The following TDP1 variants were observed in gnomAD, a reference collection of about 807,000 sequenced individuals.
TDP1 encodes the protein tyrosyl-DNA phosphodiesterase 1.
TDP1 carries 64 observed loss-of-function variants against 81.5 expected under a neutral mutation model. The observed-to-expected ratio is 0.79, with a 90% CI of 0.64 to 0.97. TDP1 has a LOEUF of 0.97. Among genes scored for constraint, TDP1 ranks in the 50% least tolerant of loss-of-function variants. The pLI is 0.00. For synonymous variants in TDP1, 256 were observed against 264.3 expected (o/e 0.97, Z 0.30); for missense variants, 723 against 743.8 (o/e 0.97, Z 0.33).
In TDP1 at chr14:90,032,248, C is replaced by T. The variant is rs76664688; in HGVS notation, c.1645-858C>T. Among the ~76,000 whole-genome samples the T allele has an allele frequency of 3.3e-3, 505 of 152,246 alleles. 6 individuals are homozygous for T. The highest frequency in any genetic ancestry group is 0.012 in the African/African-American group (489 of 41,538). Reference sequence around the variant, plus strand: ...TTTGACACTGCCCATGACCAGCCTCCGCTTGCTAAGTTGCACCTCAGTCTT... The same window carrying T: ...TTTGACACTGCCCATGACCAGCCTCTGCTTGCTAAGTTGCACCTCAGTCTT... On this transcript the variant is annotated intron_variant, in intron 15 of 16. Transcript: ENST00000335725.
At chr14:90,032,490 GGC>G (rs1887395509) in intron 15 of TDP1, among the ~76,000 whole-genome samples, 1 of 152,118 alleles carries the variant, frequency 6.6e-6, no homozygotes, top group Non-Finnish European at 1.5e-5. Context: ...CACTGCGGCA[GGC>G]CTTGTGTTGG....
intron 14 of TDP1, among the ~76,000 whole-genome samples, chr14:90,000,414 C>T (rs1056223911): frequency 5.9e-5 from 9 of 152,244 alleles, no homozygotes; most frequent in Admixed American, 6.5e-5. Context: ...GATGGAGTTC[C>T]GCTCTTATTG....
At position 89,980,865 on chromosome 14, in the gene TDP1, T is replaced by A. The variant is rs1239969846; in HGVS notation, c.884+233T>A. Among the ~76,000 whole-genome samples the A allele has an allele frequency of 5.9e-5, 9 of 152,252 alleles. No individual in the cohort carries two copies. In the East Asian group the frequency reaches 1.7e-3, roughly 29 times the overall value. On this transcript the variant is annotated intron_variant, in intron 8 of 16. Coordinates refer to ENST00000335725, the MANE Select transcript of TDP1 (RefSeq NM_018319.4). Reference sequence around the variant, plus strand: ...GAGCATCATCATCCACAGCTACCTCTGCTGTACATGTAAACATACATTACT... The same window carrying A: ...GAGCATCATCATCCACAGCTACCTCAGCTGTACATGTAAACATACATTACT...
chr14:90,036,287 C>T (rs898314744), intron 16 of TDP1, among the ~76,000 whole-genome samples: 3 of 152,102 alleles, frequency 2.0e-5, no homozygotes, highest in African/African-American at 4.8e-5. Flanking sequence ...TCAGTATTAC[C>T]AGTTCATATA....
intron 14 of TDP1, among the ~76,000 whole-genome samples, chr14:90,013,671 C>T (rs1381843767): frequency 6.6e-6 from 1 of 152,112 alleles, no homozygotes; most frequent in Non-Finnish European, 1.5e-5. Flanking sequence ...TATGGTTTGG[C>T]TGTGTCCCCA....
chr14:90,041,516 G>T (rs1248989023), intron 16 of TDP1, among the ~76,000 whole-genome samples: 1 of 152,184 alleles, frequency 6.6e-6, no homozygotes, highest in African/African-American at 2.4e-5. Context: ...GTGAGGCTGC[G>T]AGAAGACAGC....
chr14:89,993,315 ATAT>A, intron 13 of TDP1, 58 bp from the exon 14 acceptor site: 1 of 1,421,404 alleles, frequency 7.0e-7, no homozygotes, highest in Admixed American at 1.8e-5. Flanking sequence ...CAGTTTCCTA[ATAT>A]TAGGATTATG....
At chr14:90,028,317 C>T (rs1224958340) in intron 15 of TDP1, among the ~76,000 whole-genome samples, 2 of 152,208 alleles carry the variant, frequency 1.3e-5, no homozygotes, top group Middle Eastern at 3.2e-3. Flanking sequence ...TAGGGTTTTA[C>T]CACTTGAGGT....
chr14:89,980,416 T>A lies in TDP1; in HGVS notation c.792-124T>A, dbSNP rs909693930. The A allele has an allele frequency of 5.7e-6, 8 of 1,414,434 alleles. No homozygotes were observed. The South Asian group carries it at 9.8e-5, about 17-fold the overall frequency. 87.6% of individuals were successfully genotyped at this position (1,414,434 alleles called of 1,614,324 possible). On this transcript the variant is annotated intron_variant, in intron 7 of 16. Transcript: ENST00000335725. The stretch of plus-strand genomic sequence containing the variant: ...TGTATAGAAGGGAAGATTATAAATG[T>A]TAAGTTTGGGTAATATGAGAGTTTA...
Position 90,033,423 on chromosome 14 carries a change from A to T in TDP1, c.1753+209A>T, listed in dbSNP as rs569758753. The T allele has an allele frequency of 6.3e-6, 4 of 632,744 alleles. No homozygotes were observed. The East Asian group carries it at 1.2e-4, about 19-fold the overall frequency. 39.2% of individuals were successfully genotyped at this position (632,744 alleles called of 1,614,324 possible). A position where few individuals can be genotyped will look rare whatever the true frequency, so the allele number is the denominator to read the frequency against. On this transcript the variant is annotated intron_variant, in intron 16 of 16. Transcript: ENST00000335725. ...TTGCACTCCTATAATTACTATACAGATCCTTCCTGACTTACACTGGGGCTA... is the reference window on the plus strand; with the variant it reads ...TTGCACTCCTATAATTACTATACAGTTCCTTCCTGACTTACACTGGGGCTA...
intron 7 of TDP1, among the ~76,000 whole-genome samples, chr14:89,977,731 A>T (rs1894521572): frequency 6.6e-6 from 1 of 152,236 alleles, no homozygotes; most frequent in African/African-American, 2.4e-5. Flanking sequence ...GAAAAGGAGA[A>T]TCACCTTCCA....
chr14:90,033,061 C>A, intron 15 of TDP1, 45 bp from the exon 16 acceptor site: 2 of 1,359,078 alleles, frequency 1.5e-6, no homozygotes, highest in Admixed American at 1.7e-5. Flanking sequence ...TTTTTTAAAC[C>A]CAGAAAATGG....
At chr14:90,032,839 C>T (rs1207378777) in intron 15 of TDP1, 14 of 984,740 alleles carry the variant, frequency 1.4e-5, no homozygotes, top group Non-Finnish European at 1.7e-5. Context: ...AATTGTCTCT[C>T]TTGTTTCTTT....
chr14:90,005,892 T>A (rs1182757510), intron 14 of TDP1, among the ~76,000 whole-genome samples: 2 of 152,236 alleles, frequency 1.3e-5, no homozygotes, highest in Non-Finnish European at 1.5e-5. Flanking sequence ...GCACTTTTTT[T>A]ATCCTTGGCA....
intron 7 of TDP1, among the ~76,000 whole-genome samples, chr14:89,978,933 A>G (rs558584204): frequency 2.6e-5 from 4 of 152,334 alleles, no homozygotes; most frequent in Admixed American, 1.3e-4. Context: ...AGAGCTAAAT[A>G]TCTCATTCTC....
chr14:89,962,970 C>T, intron 2 of TDP1, 138 bp from the exon 3 acceptor site: 1 of 1,521,210 alleles, frequency 6.6e-7, no homozygotes, highest in African/African-American at 1.4e-5. Context: ...TTATAAACAC[C>T]CAAAAAGCAG....
intron 5 of TDP1, among the ~76,000 whole-genome samples, chr14:89,970,300 A>C (rs1566853694): frequency 2.0e-5 from 3 of 152,150 alleles, no homozygotes; most frequent in African/African-American, 2.4e-5. Context: ...AAAATATAGC[A>C]TTTTCAACGT....
intron 6 of TDP1, among the ~76,000 whole-genome samples, chr14:89,972,536 CT>C (rs35548006): frequency 0.095 from 14,462 of 152,214 alleles, 1,766 homozygotes; most frequent in African/African-American, 0.28. Context: ...TGTCCTAATA[CT>C]TTGCAGTTAG....
intron 2 of TDP1, among the ~76,000 whole-genome samples, chr14:89,961,626 C>A (rs1892337363): frequency 6.6e-6 from 1 of 152,088 alleles, no homozygotes; most frequent in South Asian, 2.1e-4. Flanking sequence ...ATATAACAGG[C>A]ATGTCTGAGC....
Sources: allele counts gnomAD v4.1 joint callset (sites outside exome capture counted in the v4.1 genomes callset), GRCh38; gene constraint gnomAD v4.1.1; transcripts MANE v1.5; gene names NCBI Gene and HGNC (gene_info 2026-07-23, HGNC 2026-07-21).